UTRN: variants seen among roughly 807,000 people sequenced by gnomAD.
The protein encoded by UTRN is dystrophin-related protein 1.
In UTRN, 283 loss-of-function variants were observed where a neutral mutation model predicts 463.9. The observed-to-expected ratio is 0.61, with a 90% confidence interval of 0.55 to 0.67. The LOEUF (loss-of-function observed/expected upper bound fraction) is 0.67, where lower values mean the gene tolerates loss of function less well. Among genes scored for constraint, UTRN ranks in the 30% least tolerant of loss-of-function variants. The probability of loss-of-function intolerance (pLI) is 0.00; values close to 1 mark genes in which losing one functional copy is unlikely to be tolerated. For missense variants in UTRN, 3,922 were observed against 4,084.3 expected, an observed-to-expected ratio of 0.96 and a Z score of 1.08; for synonymous variants, 1,442 against 1,431.5, an observed-to-expected ratio of 1.01 and a Z score of -0.17.
chr6:144,452,249 A>G (rs56218234), intron 18 of UTRN, among the ~76,000 whole-genome samples: 4,336 of 152,300 alleles, frequency 0.028, 200 homozygotes, highest in African/African-American at 0.099. Context: ...ATCTTTGACT[A>G]TAAGAAGGTT....
chr6:144,388,474 G>T (rs1781605469), intron 2 of UTRN, among the ~76,000 whole-genome samples: 1 of 126,090 alleles, frequency 7.9e-6, no homozygotes, highest in African/African-American at 3.9e-5. Flanking sequence ...CATTCTGCCT[G>T]GCTAATATTA....
In UTRN at chr6:144,490,953, A is replaced by C. The variant is rs750328505; in HGVS notation, c.4288A>C (p.Lys1430Gln). Residue 1430 changes from lysine to glutamine, a missense_variant, in exon 32 of 75, where the codon AAG becomes CAG. Coordinates refer to ENST00000367545, the MANE Select transcript of UTRN (RefSeq NM_007124.3). The stretch of plus-strand genomic sequence containing the variant: ...GAGGAAACTCCGAGAGGTGTCCACA[A>C]AGTTCCAGCTTTTCCAGAAGCCAGC... Reference protein sequence around the residue: ...LQRKLREVSTKFQLFQKPANF... With the variant: ...LQRKLREVSTQFQLFQKPANF... 1.2e-6 allele frequency: 2 copies of C among 1,605,672 alleles called. No individual in the cohort carries two copies. The highest frequency in any genetic ancestry group is 3.4e-5 in the Admixed American group (2 of 58,146).
chr6:144,625,455 C>T (rs916268059), intron 51 of UTRN, among the ~76,000 whole-genome samples: 11 of 152,132 alleles, frequency 7.2e-5, no homozygotes, highest in African/African-American at 1.9e-4. Context: ...AACTTACCTG[C>T]GACTTCTTGA....
At chr6:144,433,308 T>C (rs776365909) in intron 9 of UTRN, among the ~76,000 whole-genome samples, 20 of 127,934 alleles carry the variant, frequency 1.6e-4, no homozygotes, top group East Asian at 2.4e-4. Flanking sequence ...GCTGGCCGGG[T>C]GGGGGGCTGA....
In UTRN at chr6:144,851,316, G is replaced by A. The variant is rs997386782; in HGVS notation, c.*319G>A. Reference sequence around the variant, plus strand: ...TGTATACAGCATTGGGAAAGTGGGTGGGGGCTTTCTAATATGATACCGTCT... The same window carrying A: ...TGTATACAGCATTGGGAAAGTGGGTAGGGGCTTTCTAATATGATACCGTCT... On this transcript the variant is annotated 3_prime_UTR_variant, in exon 75 of 75. Transcript: ENST00000367545. 1 of 304,968 alleles carries A rather than the reference G, an allele frequency of 3.3e-6. No homozygotes were observed. The highest frequency in any genetic ancestry group is 6.1e-6 in the Non-Finnish European group (1 of 164,520). 18.9% of individuals were successfully genotyped at this position (304,968 alleles called of 1,614,324 possible). A position where few individuals can be genotyped will look rare whatever the true frequency, so the allele number is the denominator to read the frequency against.
intron 2 of UTRN, chr6:144,343,976 A>G (rs539261067): frequency 3.6e-6 from 1 of 274,540 alleles, no homozygotes; most frequent in Admixed American, 5.6e-5. Context: ...TTAAAAAAAC[A>G]AAAAACCTGC....
intron 14 of UTRN, among the ~76,000 whole-genome samples, chr6:144,446,934 C>T (rs999985522): frequency 6.6e-6 from 1 of 152,180 alleles, no homozygotes; most frequent in African/African-American, 2.4e-5. Flanking sequence ...TGGATTTTCC[C>T]TTTTCCCTCC....
intron 51 of UTRN, among the ~76,000 whole-genome samples, chr6:144,641,219 A>G (rs1483127250): frequency 1.3e-5 from 2 of 152,150 alleles, no homozygotes; most frequent in African/African-American, 2.4e-5. Flanking sequence ...ACATCAATCA[A>G]TACATTTAAG....
At chr6:144,474,517 T>C in intron 24 of UTRN, 87 bp from the exon 25 acceptor site, 1 of 1,348,340 alleles carries the variant, frequency 7.4e-7, no homozygotes, top group Non-Finnish European at 1.0e-6. Flanking sequence ...GCTTGTGTAA[T>C]ATTTGCAGGG....
intron 2 of UTRN, among the ~76,000 whole-genome samples, chr6:144,382,775 AG>A (rs1008576993): frequency 7.9e-5 from 12 of 152,202 alleles, no homozygotes; most frequent in African/African-American, 2.9e-4. Context: ...TCTGGCACAT[AG>A]AAAGTGTTTA....
chr6:144,683,815 A>T (rs1158204939), intron 52 of UTRN, among the ~76,000 whole-genome samples: 1 of 152,078 alleles, frequency 6.6e-6, no homozygotes, highest in Non-Finnish European at 1.5e-5. Flanking sequence ...CATAAACATC[A>T]AATGTGGTGC....
intron 44 of UTRN, among the ~76,000 whole-genome samples, chr6:144,538,478 C>T (rs1386894960): frequency 6.6e-6 from 1 of 150,498 alleles, no homozygotes; most frequent in African/African-American, 2.5e-5. Flanking sequence ...GACCATCTGG[C>T]TAACATGGTG....
At chr6:144,532,324 A>G (rs2128602323) in intron 42 of UTRN, among the ~76,000 whole-genome samples, 1 of 152,308 alleles carries the variant, frequency 6.6e-6, no homozygotes, top group East Asian at 1.9e-4. Flanking sequence ...TTATAAAGGA[A>G]AGAGGTTTAA....
At chr6:144,587,559 T>A (rs569373038) in intron 51 of UTRN, among the ~76,000 whole-genome samples, 1 of 152,194 alleles carries the variant, frequency 6.6e-6, no homozygotes, top group Non-Finnish European at 1.5e-5. Flanking sequence ...GCTCCCTGTA[T>A]TTAGAGGTAG....
intron 72 of UTRN, among the ~76,000 whole-genome samples, chr6:144,840,467 G>GTTTTTCAGTCTCATA (rs1381181452): frequency 6.6e-6 from 1 of 152,080 alleles, no homozygotes; most frequent in Non-Finnish European, 1.5e-5. Context: ...CATATTACTT[G>GTTTTTCAGTCTCATA]TTTTTCAGTC....
intron 51 of UTRN, among the ~76,000 whole-genome samples, chr6:144,611,271 T>C (rs1805494484): frequency 6.6e-6 from 1 of 152,188 alleles, no homozygotes; most frequent in Admixed American, 6.5e-5. Context: ...TTCCCAGTGG[T>C]AAAAAGTTGA....
At chr6:144,297,014 G>GAT (rs1437838445) in intron 2 of UTRN, among the ~76,000 whole-genome samples, 1 of 152,262 alleles carries the variant, frequency 6.6e-6, no homozygotes, top group African/African-American at 2.4e-5. Context: ...TAGAGAAATG[G>GAT]ATAATGTGTT....
chr6:144,710,883 GT>G (rs1355561861), intron 53 of UTRN, among the ~76,000 whole-genome samples: 2 of 152,076 alleles, frequency 1.3e-5, no homozygotes, highest in Non-Finnish European at 2.9e-5. Flanking sequence ...TTAGACAAGG[GT>G]CACCTTATAG....
At chr6:144,291,356 C>T (rs1804232380) in intron 1 of UTRN, among the ~76,000 whole-genome samples, 1 of 152,172 alleles carries the variant, frequency 6.6e-6, no homozygotes, top group African/African-American at 2.4e-5. Context: ...TTCTGTTTCC[C>T]TTTTTGGCTA....
Sources: allele counts gnomAD v4.1 joint callset (sites outside exome capture counted in the v4.1 genomes callset), GRCh38; gene constraint gnomAD v4.1.1; transcripts MANE v1.5; gene names NCBI Gene and HGNC (gene_info 2026-07-23, HGNC 2026-07-21).